ZNF423: variants seen among roughly 807,000 people sequenced by gnomAD.
ZNF423 encodes Ebf-associated zinc finger protein.
ZNF423 carries 12 observed loss-of-function variants against 95.8 expected under a neutral mutation model. That is an observed-to-expected ratio of 0.13 (90% CI 0.08 to 0.20). The LOEUF is 0.20. Ranked by LOEUF, ZNF423 falls within the 10% of genes least tolerant of loss-of-function variation. The probability of loss-of-function intolerance (pLI) is 1.00; values close to 1 mark genes in which losing one functional copy is unlikely to be tolerated. For missense variants in ZNF423, 1,316 were observed against 1,737.1 expected (o/e 0.76, Z 4.31); for synonymous variants, 749 against 711.9 (o/e 1.05, Z -0.83).
At chr16:49,754,871 C>A (rs1350627009) in intron 2 of ZNF423, among the ~76,000 whole-genome samples, 1 of 152,216 alleles carries the variant, frequency 6.6e-6, no homozygotes, top group African/African-American at 2.4e-5. Flanking sequence ...CCTCAAAGGG[C>A]CCCCTGGGCA....
chr16:49,673,087 G>GT (rs1555469953), intron 3 of ZNF423, among the ~76,000 whole-genome samples: 1 of 152,128 alleles, frequency 6.6e-6, no homozygotes, highest in African/African-American at 2.4e-5. Context: ...TGGTACACAG[G>GT]TAATTACTCC....
At chr16:49,835,829 C>T (rs888129163) in intron 1 of ZNF423, among the ~76,000 whole-genome samples, 12 of 152,148 alleles carry the variant, frequency 7.9e-5, no homozygotes, top group Admixed American at 2.6e-4. Flanking sequence ...GTGTTGGTGC[C>T]AGTTGACAGG....
intron 1 of ZNF423, among the ~76,000 whole-genome samples, chr16:49,832,122 T>C (rs1448960428): frequency 6.6e-6 from 1 of 152,150 alleles, no homozygotes; most frequent in Non-Finnish European, 1.5e-5. Flanking sequence ...GGCTGGGTCA[T>C]CTGGGGTGTG....
intron 3 of ZNF423, among the ~76,000 whole-genome samples, chr16:49,723,264 G>A (rs1301950288): frequency 6.6e-6 from 1 of 151,954 alleles, no homozygotes; most frequent in Non-Finnish European, 1.5e-5. Flanking sequence ...TCTTTCTCTG[G>A]TTCCATTTCT....
Position 49,637,983 on chromosome 16 carries a change from G to A in ZNF423, c.1193C>T (p.Pro398Leu), listed in dbSNP as rs112570445. 8.4e-5 allele frequency: 136 copies of A among 1,614,120 alleles called. No homozygotes were observed. Among genetic ancestry groups the A allele is most frequent in the African/African-American group, 1.2e-4 (9 of 75,056 alleles). The part of the protein sequence containing the change: ...RGSTPDSTLK[P>L]LRGQKKMRDD... Reference sequence around the variant, plus strand: ...CCGCATCTTCTTCTGCCCCCGCAGCGGCTTCAAGGTGGAGTCCGGGGTGGA... The same window carrying A: ...CCGCATCTTCTTCTGCCCCCGCAGCAGCTTCAAGGTGGAGTCCGGGGTGGA... The change falls in exon 4 of 8, where the codon CCG becomes CTG. Residue 398 changes from proline to leucine, a missense_variant. Around this residue, in one of 6 missense-constraint regions of ZNF423, gnomAD observed 399 missense variants for 478.5 expected, o/e 0.83. Coordinates refer to ENST00000563137, the MANE Select transcript of ZNF423 (RefSeq NM_001379286.1). The surrounding 1 kb of genome is among the most constrained non-coding windows in gnomAD (Gnocchi z 5.6).
chr16:49,750,391 AG>A (rs1307857204), intron 2 of ZNF423, among the ~76,000 whole-genome samples: 2 of 152,304 alleles, frequency 1.3e-5, no homozygotes, highest in East Asian at 3.9e-4. Flanking sequence ...GGGGGATCCC[AG>A]GTGGGGGAAG....
At chr16:49,606,007 A>G (rs1409169482) in intron 5 of ZNF423, among the ~76,000 whole-genome samples, 1 of 152,236 alleles carries the variant, frequency 6.6e-6, no homozygotes. Flanking sequence ...TGAGAATGCA[A>G]CAGGGGCTGA....
At chr16:49,614,906 G>A (rs561333525) in intron 5 of ZNF423, among the ~76,000 whole-genome samples, 1 of 152,306 alleles carries the variant, frequency 6.6e-6, no homozygotes, top group South Asian at 2.1e-4. Context: ...TCTGGCGGGT[G>A]TATCACCTGA....
At chr16:49,599,239 T>C (rs1360295238) in intron 5 of ZNF423, among the ~76,000 whole-genome samples, 2 of 152,314 alleles carry the variant, frequency 1.3e-5, no homozygotes, top group East Asian at 3.9e-4. Context: ...CAAATTTCCA[T>C]GTTCCAAAGA....
chr16:49,556,316 G>C (rs1969824849), intron 5 of ZNF423, among the ~76,000 whole-genome samples: 1 of 152,178 alleles, frequency 6.6e-6, no homozygotes, highest in Non-Finnish European at 1.5e-5. Flanking sequence ...CAGAGCAGAA[G>C]TGCCCCCTCT....
At chr16:49,561,173 C>A (rs948781677) in intron 5 of ZNF423, among the ~76,000 whole-genome samples, 2 of 152,178 alleles carry the variant, frequency 1.3e-5, no homozygotes, top group African/African-American at 2.4e-5. Flanking sequence ...GCCAACTGTG[C>A]GTTTCTCTTC....
intron 3 of ZNF423, among the ~76,000 whole-genome samples, chr16:49,646,075 C>T (rs1973159323): frequency 2.0e-5 from 3 of 152,206 alleles, no homozygotes; most frequent in Admixed American, 1.3e-4. Context: ...GGAGAGGAAT[C>T]TCCAGCCAGA....
intron 3 of ZNF423, chr16:49,664,238 G>A (rs1387686395): frequency 6.1e-6 from 6 of 985,552 alleles, no homozygotes; most frequent in Non-Finnish European, 6.0e-6. Context: ...TCTCAGCCAC[G>A]GGACGCATCC....
chr16:49,554,879 C>T (rs879456329), intron 5 of ZNF423, among the ~76,000 whole-genome samples: 3 of 151,988 alleles, frequency 2.0e-5, no homozygotes, highest in Non-Finnish European at 4.4e-5. Flanking sequence ...TGGCACAGTG[C>T]CTGGTACACA....
chr16:49,738,148 G>A (rs1438165927), intron 2 of ZNF423, among the ~76,000 whole-genome samples: 4 of 152,204 alleles, frequency 2.6e-5, no homozygotes, highest in Admixed American at 2.6e-4. Flanking sequence ...CCTACGGTGT[G>A]CCAGGCATAA....
intron 5 of ZNF423, among the ~76,000 whole-genome samples, chr16:49,528,626 CG>C (rs529788041): frequency 6.6e-6 from 1 of 152,102 alleles, no homozygotes; most frequent in Non-Finnish European, 1.5e-5. Flanking sequence ...AGCTGGGACT[CG>C]CTCCCACTCA....
At chr16:49,743,852 C>G (rs1343150225) in intron 2 of ZNF423, among the ~76,000 whole-genome samples, 2 of 152,190 alleles carry the variant, frequency 1.3e-5, no homozygotes, top group Non-Finnish European at 2.9e-5. Flanking sequence ...GGCATGGAGA[C>G]AGCCTGGTGC....
intron 2 of ZNF423, among the ~76,000 whole-genome samples, chr16:49,758,821 T>C (rs1233680870): frequency 6.6e-6 from 1 of 152,152 alleles, no homozygotes; most frequent in Non-Finnish European, 1.5e-5. Flanking sequence ...TAAATTATAG[T>C]GGCAAGGGGT....
rs534335658 is a variant in ZNF423, at chr16:49,507,695, A to G, written c.3849+15929T>C. ...ATCCTACTTTAATGCCCAGGTCCCA[A>G]GCCTGTATTCAAGTCTACAAAATGG... is the stretch of plus-strand genomic sequence containing the variant. On this transcript the variant is annotated intron_variant, in intron 7 of 7. Transcript: ENST00000563137. Among the ~76,000 whole-genome samples, 148 of 152,330 alleles carry G rather than the reference A, an allele frequency of 9.7e-4. 2 individuals carry two copies. The South Asian group carries it at 0.03, about 31-fold the overall frequency.
Sources: allele counts gnomAD v4.1 joint callset (sites outside exome capture counted in the v4.1 genomes callset), GRCh38; gene constraint gnomAD v4.1.1; regional missense constraint gnomAD v4.1.1; non-coding constraint Gnocchi (gnomAD v3.1); transcripts MANE v1.5; gene names NCBI Gene and HGNC (gene_info 2026-07-23, HGNC 2026-07-21).